The following DYRK1A variants were observed in gnomAD, a reference collection of about 807,000 sequenced individuals.
The protein encoded by DYRK1A is dual specificity tyrosine-phosphorylation-regulated kinase 1A.
In DYRK1A, 9 loss-of-function variants were observed where a neutral mutation model predicts 79.7. The ratio of observed to expected loss-of-function variants is 0.11; its 90% CI spans 0.07 to 0.20. DYRK1A has a LOEUF of 0.20. Ranked by LOEUF, DYRK1A falls within the 10% of genes least tolerant of loss-of-function variation. The probability of loss-of-function intolerance (pLI) is 1.00; values close to 1 mark genes in which losing one functional copy is unlikely to be tolerated. For synonymous variants in DYRK1A, 349 were observed against 329.7 expected, an observed-to-expected ratio of 1.06 and a Z score of -0.63; for missense variants, 622 against 956.0, an observed-to-expected ratio of 0.65 and a Z score of 4.61.
At chr21:37,490,781 A>AT (rs935853878) in intron 7 of DYRK1A, among the ~76,000 whole-genome samples, 4 of 151,896 alleles carry the variant, frequency 2.6e-5, no homozygotes, top group African/African-American at 7.2e-5. Context: ...AAAGACATTG[A>AT]TTTTTTTGAA....
intron 2 of DYRK1A, among the ~76,000 whole-genome samples, chr21:37,447,562 G>A (rs976338024): frequency 6.6e-5 from 10 of 152,142 alleles, no homozygotes; most frequent in Non-Finnish European, 1.2e-4. Flanking sequence ...TTGATTAATT[G>A]CAACAGAAGC....
intron 1 of DYRK1A, among the ~76,000 whole-genome samples, chr21:37,411,500 A>G (rs57834851): frequency 1.4e-4 from 22 of 152,306 alleles, no homozygotes; most frequent in African/African-American, 4.6e-4. Context: ...TGATTTGGCA[A>G]GTCTGTGAAT....
At chr21:37,472,939 T>C (rs888883748) in intron 3 of DYRK1A, 59 bp downstream of exon 3, 5 of 1,317,432 alleles carry the variant, frequency 3.8e-6, no homozygotes, top group Non-Finnish European at 4.0e-6. Context: ...CTTAAAAATG[T>C]TGGAATACTA....
At chr21:37,377,643 A>T (rs185563877) in intron 1 of DYRK1A, among the ~76,000 whole-genome samples, 104 of 152,134 alleles carry the variant, frequency 6.8e-4, no homozygotes, top group African/African-American at 2.4e-3. Flanking sequence ...TAATTTTTAA[A>T]TTTTTTGTTG....
At position 37,520,570 on chromosome 21, in the gene DYRK1A, T is replaced by G. The variant is rs2053927750; in HGVS notation, c.*8039T>G. The G allele has an allele frequency of 6.7e-6, 1 of 150,066 alleles. No individual in the cohort carries two copies. Among genetic ancestry groups the G allele is most frequent in the Admixed American group, 6.6e-5 (1 of 15,242 alleles). The allele number at this position is 150,066 out of a possible 1,614,324, so 9.3% of individuals were successfully genotyped here. ...AAATGTCTTAGGATAAAAGTCTGTTTGTTTGCATTAGACTATACATGATTT... is the reference window on the plus strand; with the variant it reads ...AAATGTCTTAGGATAAAAGTCTGTTGGTTTGCATTAGACTATACATGATTT... On this transcript the variant is annotated 3_prime_UTR_variant, in exon 12 of 12. Coordinates refer to ENST00000647188, the MANE Select transcript of DYRK1A (RefSeq NM_001347721.2).
chr21:37,503,298 A>G (rs1376112725), intron 9 of DYRK1A: 1 of 152,120 alleles, frequency 6.6e-6, no homozygotes, highest in Non-Finnish European at 1.5e-5. Flanking sequence ...TGGTTTATTC[A>G]TTCTGTTTTC....
At chr21:37,401,840 T>G (rs936240697) in intron 1 of DYRK1A, among the ~76,000 whole-genome samples, 1 of 152,234 alleles carries the variant, frequency 6.6e-6, no homozygotes, top group Non-Finnish European at 1.5e-5. Flanking sequence ...AGGTTCTTTG[T>G]ATCTTTCGCA....
rs192241611 is a variant in DYRK1A, at chr21:37,524,962, G to A, written c.*12431G>A. On this transcript the variant is annotated 3_prime_UTR_variant, in exon 12 of 12. Coordinates refer to ENST00000647188, the MANE Select transcript of DYRK1A (RefSeq NM_001347721.2). ...AAAAGTACAAAAATTAGCCGGGCAT[G>A]ATGGCATGCACTGGTAATTCCAGCT... is the stretch of plus-strand genomic sequence containing the variant. 2.0e-5 allele frequency: 3 copies of A among 152,370 alleles called. No individual in the cohort carries two copies. The highest frequency in any genetic ancestry group is 6.5e-5 in the Admixed American group (1 of 15,310). 9.4% of individuals were successfully genotyped at this position (152,370 alleles called of 1,614,324 possible).
intron 1 of DYRK1A, among the ~76,000 whole-genome samples, chr21:37,372,165 C>T (rs913176819): frequency 2.0e-5 from 3 of 151,954 alleles, no homozygotes; most frequent in African/African-American, 7.3e-5. Flanking sequence ...TGCTTGAGGC[C>T]TGGCGTGGTG....
intron 9 of DYRK1A, among the ~76,000 whole-genome samples, chr21:37,498,581 T>C (rs2053345505): frequency 6.6e-6 from 1 of 152,186 alleles, no homozygotes; most frequent in Non-Finnish European, 1.5e-5. Context: ...ATGCCATAAT[T>C]TATATTCACC....
chr21:37,383,832 G>GGGGTGTGT (rs1555950683), intron 1 of DYRK1A, among the ~76,000 whole-genome samples: 2 of 115,480 alleles, frequency 1.7e-5, no homozygotes, highest in African/African-American at 4.1e-5. Flanking sequence ...GATAGGTAAT[G>GGGGTGTGT]GTGTATGTGT....
intron 5 of DYRK1A, among the ~76,000 whole-genome samples, chr21:37,483,567 T>TTTTTG (rs553868561): frequency 0.015 from 2,328 of 152,148 alleles, 31 homozygotes; most frequent in Non-Finnish European, 0.024. Context: ...GGAGTCCTTT[T>TTTTTG]TTTTGTTTTG....
At position 37,496,266 on chromosome 21, in the gene DYRK1A, A is replaced by G; in HGVS notation, c.1212+8A>G. The stretch of plus-strand genomic sequence containing the variant: ...ACCAAAGATGGAAAACGGGTAAAAT[A>G]AGGATATATCTGTTTTGAGCCTTTA... On this transcript the variant is annotated splice_region_variant and intron_variant, in intron 9 of 11. Coordinates refer to ENST00000647188, the MANE Select transcript of DYRK1A (RefSeq NM_001347721.2). 3 of 1,610,906 alleles carry G rather than the reference A, an allele frequency of 1.9e-6. No homozygotes were observed. Among genetic ancestry groups the G allele is most frequent in the Non-Finnish European group, 1.7e-6 (2 of 1,178,962 alleles).
chr21:37,502,422 C>G (rs2053477732), intron 9 of DYRK1A: 1 of 152,054 alleles, frequency 6.6e-6, no homozygotes, highest in South Asian at 2.1e-4. Flanking sequence ...ACTTATTCCT[C>G]TATGTGTCAT....
At chr21:37,509,074 T>C (rs1332241962) in intron 11 of DYRK1A, among the ~76,000 whole-genome samples, 1 of 152,254 alleles carries the variant, frequency 6.6e-6, no homozygotes, top group African/African-American at 2.4e-5. Flanking sequence ...TATAGTCACA[T>C]GGTTTTAAAA....
intron 2 of DYRK1A, among the ~76,000 whole-genome samples, chr21:37,445,289 C>T (rs776131811): frequency 1.2e-4 from 19 of 152,052 alleles, no homozygotes; most frequent in African/African-American, 3.1e-4. Context: ...GAATGCACAC[C>T]GGAAAGTAAT....
chr21:37,447,048 TG>T (rs1017755388), intron 2 of DYRK1A, among the ~76,000 whole-genome samples: 64 of 152,334 alleles, frequency 4.2e-4, no homozygotes, highest in Admixed American at 4.2e-3. Flanking sequence ...ACTTAACATC[TG>T]ATTACAGAGG....
At chr21:37,424,869 C>T (rs1249497726) in intron 2 of DYRK1A, among the ~76,000 whole-genome samples, 1 of 152,066 alleles carries the variant, frequency 6.6e-6, no homozygotes, top group Admixed American at 6.5e-5. Context: ...GTAATATGTA[C>T]CACTCTGTAC....
chr21:37,387,534 C>G (rs1260970729), intron 1 of DYRK1A, among the ~76,000 whole-genome samples: 1 of 152,102 alleles, frequency 6.6e-6, no homozygotes, highest in Non-Finnish European at 1.5e-5. Context: ...TGTTTTTGTT[C>G]CCTCTTAAGA....
Sources: gnomAD v4.1 joint callset for allele counts (sites outside exome capture counted in the v4.1 genomes callset) on GRCh38, gnomAD v4.1.1 for gene constraint, MANE v1.5 for transcripts, NCBI Gene and HGNC (gene_info 2026-07-23, HGNC 2026-07-21) for gene names.